The following PLCG2 variants were observed in gnomAD, a reference collection of about 807,000 sequenced individuals.
PLCG2 encodes phospholipase C gamma 2.
A neutral mutation model predicts 175.6 loss-of-function variants in PLCG2; 69 were observed. The ratio of observed to expected loss-of-function variants is 0.39; its 90% CI spans 0.32 to 0.48. PLCG2 has a LOEUF of 0.48. Among genes scored for constraint, PLCG2 ranks in the 20% least tolerant of loss-of-function variants. The probability of loss-of-function intolerance (pLI) is 0.91; values close to 1 mark genes in which losing one functional copy is unlikely to be tolerated. For synonymous variants in PLCG2, 827 were observed against 624.0 expected, an observed-to-expected ratio of 1.33 and a Z score of -4.85; for missense variants, 1,798 against 1,650.9, an observed-to-expected ratio of 1.09 and a Z score of -1.54.
chr16:81,837,461 C>T (rs778498869), intron 2 of PLCG2, among the ~76,000 whole-genome samples: 29 of 152,168 alleles, frequency 1.9e-4, no homozygotes, highest in Admixed American at 7.9e-4. Context: ...GGAAATAGGA[C>T]GGGTCCTGGC....
chr16:81,783,840 T>C (rs1910852728), intron 1 of PLCG2, among the ~76,000 whole-genome samples: 1 of 152,176 alleles, frequency 6.6e-6, no homozygotes, highest in South Asian at 2.1e-4. Context: ...GGGTTTTTTT[T>C]TAGCATACTC....
At chr16:81,766,260 C>T (rs542795613) in intron 2 of PLCG2, among the ~76,000 whole-genome samples, 19 of 152,268 alleles carry the variant, frequency 1.2e-4, no homozygotes, top group African/African-American at 4.6e-4. Context: ...ATGGGGGAGG[C>T]ATAGGAGGGA....
intron 29 of PLCG2, among the ~76,000 whole-genome samples, chr16:81,939,620 C>T (rs1454353367): frequency 3.9e-5 from 6 of 152,200 alleles, no homozygotes; most frequent in South Asian, 4.1e-4. Context: ...ACACCTCCCC[C>T]GTTCCCTTGT....
intron 2 of PLCG2, among the ~76,000 whole-genome samples, chr16:81,809,261 C>T (rs1199174370): frequency 3.9e-5 from 6 of 152,136 alleles, no homozygotes; most frequent in African/African-American, 1.4e-4. Context: ...TTCTGCTAGC[C>T]TGTGGTGCAG....
At chr16:81,769,807 G>A (rs998832406) in intron 2 of PLCG2, among the ~76,000 whole-genome samples, 5 of 127,988 alleles carry the variant, frequency 3.9e-5, no homozygotes, top group South Asian at 5.1e-4. Flanking sequence ...GCGACAGAGC[G>A]AGACTCCGTC....
intron 2 of PLCG2, among the ~76,000 whole-genome samples, chr16:81,827,634 C>T (rs1356347035): frequency 6.6e-6 from 1 of 152,064 alleles, no homozygotes; most frequent in African/African-American, 2.4e-5. Context: ...AGGCTGCACA[C>T]TGGGAAAGTT....
At chr16:81,840,778 T>C (rs551334662) in intron 2 of PLCG2, among the ~76,000 whole-genome samples, 38 of 152,292 alleles carry the variant, frequency 2.5e-4, no homozygotes, top group Middle Eastern at 6.8e-3. Flanking sequence ...GGCCTGGGGA[T>C]TGGGGACCCC....
chr16:81,844,832 C>G (rs992666366), intron 2 of PLCG2, among the ~76,000 whole-genome samples: 12 of 152,256 alleles, frequency 7.9e-5, no homozygotes, highest in African/African-American at 2.9e-4. Flanking sequence ...ATGCATACAT[C>G]TAGTCTCCTA....
At position 81,883,843 on chromosome 16, in the gene PLCG2, G is replaced by T. The variant is rs1290156465; in HGVS notation, c.765+502G>T. Among the ~76,000 whole-genome samples the T allele has an allele frequency of 2.6e-5, 4 of 152,228 alleles. No individual in the cohort carries two copies. The East Asian group carries it at 5.8e-4, about 22-fold the overall frequency. On this transcript the variant is annotated intron_variant, in intron 9 of 32. Coordinates refer to ENST00000564138, the MANE Select transcript of PLCG2 (RefSeq NM_002661.5). ...CTCCCTGGACAGGGTTTGCCTGTGGGCTCTGAGCCCAGCTATAGACTCAAG... is the reference window on the plus strand; with the variant it reads ...CTCCCTGGACAGGGTTTGCCTGTGGTCTCTGAGCCCAGCTATAGACTCAAG...
chr16:81,860,350 A>G (rs1262607978), intron 5 of PLCG2, among the ~76,000 whole-genome samples: 1 of 152,012 alleles, frequency 6.6e-6, no homozygotes, highest in African/African-American at 2.4e-5. Context: ...GCTGCTGTGG[A>G]AACCTTTGGG....
intron 1 of PLCG2, among the ~76,000 whole-genome samples, chr16:81,749,070 G>A (rs1361680231): frequency 2.6e-5 from 4 of 152,226 alleles, no homozygotes; most frequent in African/African-American, 9.6e-5. Flanking sequence ...TTTCCACTGC[G>A]ACTTTCACAA....
Position 81,856,012 on chromosome 16 carries a change from A to G in PLCG2, c.337+1425A>G, listed in dbSNP as rs560830207. Among the ~76,000 whole-genome samples, 19 of 152,284 alleles carry G rather than the reference A, an allele frequency of 1.2e-4. No individual in the cohort carries two copies. The South Asian group carries it at 3.9e-3, about 32-fold the overall frequency. Reference sequence around the variant, plus strand: ...GTTCTTAATTTGGTAAGGAGACCAGAAGAACCCGGGTCTTGGAAGCCAGGA... The same window carrying G: ...GTTCTTAATTTGGTAAGGAGACCAGGAGAACCCGGGTCTTGGAAGCCAGGA... On this transcript the variant is annotated intron_variant, in intron 3 of 32. Transcript: ENST00000564138.
intron 2 of PLCG2, among the ~76,000 whole-genome samples, chr16:81,769,852 A>G (rs1910239619): frequency 6.7e-6 from 1 of 149,346 alleles, no homozygotes; most frequent in Non-Finnish European, 1.5e-5. Flanking sequence ...AAAAAGAAAA[A>G]GACATGGGCC....
At chr16:81,812,198 T>G (rs1303992550) in intron 2 of PLCG2, among the ~76,000 whole-genome samples, 1 of 151,974 alleles carries the variant, frequency 6.6e-6, no homozygotes, top group East Asian at 1.9e-4. Context: ...TACAGGCACC[T>G]GCCACCGCGC....
At chr16:81,825,384 A>G (rs938951306) in intron 2 of PLCG2, among the ~76,000 whole-genome samples, 5 of 144,774 alleles carry the variant, frequency 3.5e-5, no homozygotes, top group African/African-American at 7.8e-5. Context: ...TGTCTCCTGG[A>G]TTCAAGCCAT....
At chr16:81,923,429 G>A (rs749600553) in intron 21 of PLCG2, 56 bp from the exon 22 acceptor site, 22 of 1,080,156 alleles carry the variant, frequency 2.0e-5, no homozygotes, top group Admixed American at 1.9e-4. Flanking sequence ...GAACGCAGCC[G>A]CCTCCCTCCC....
At chr16:81,826,389 G>A (rs777634061) in intron 2 of PLCG2, among the ~76,000 whole-genome samples, 3 of 152,130 alleles carry the variant, frequency 2.0e-5, no homozygotes, top group African/African-American at 7.2e-5. Flanking sequence ...GGGTCCATGG[G>A]CAGGTTCCCT....
At chr16:81,806,062 G>A (rs1357800901) in intron 2 of PLCG2, among the ~76,000 whole-genome samples, 5 of 151,880 alleles carry the variant, frequency 3.3e-5, no homozygotes, top group Admixed American at 2.6e-4. Context: ...CAACATGTAT[G>A]CAATATAATT....
chr16:81,931,440 G>T, intron 24 of PLCG2, 57 bp from the exon 25 acceptor site: 1 of 1,555,374 alleles, frequency 6.4e-7, no homozygotes, highest in Non-Finnish European at 8.8e-7. Context: ...GGTGCAGTCT[G>T]GTCTTTGTGG....
Sources: gnomAD v4.1 joint callset for allele counts (sites outside exome capture counted in the v4.1 genomes callset) on GRCh38, gnomAD v4.1.1 for gene constraint, MANE v1.5 for transcripts, NCBI Gene and HGNC (gene_info 2026-07-23, HGNC 2026-07-21) for gene names.